The following PLA2G4A variants were observed in gnomAD, a reference collection of about 807,000 sequenced individuals.
PLA2G4A encodes cytosolic phospholipase A2.
Under a neutral mutation model 81.9 loss-of-function variants are expected in PLA2G4A, and 40 were observed. The ratio of observed to expected loss-of-function variants is 0.49; its 90% CI spans 0.38 to 0.64. PLA2G4A has a LOEUF of 0.64. Among genes scored for constraint, PLA2G4A ranks in the 30% least tolerant of loss-of-function variants. The pLI is 0.00. For synonymous variants in PLA2G4A, 302 were observed against 296.9 expected (o/e 1.02, Z -0.18); for missense variants, 715 against 905.1 (o/e 0.79, Z 2.69).
At chr1:186,974,057 T>C (rs1657448867) in intron 15 of PLA2G4A, among the ~76,000 whole-genome samples, 1 of 145,212 alleles carries the variant, frequency 6.9e-6, no homozygotes, top group East Asian at 2.0e-4. Context: ...TGTATATATG[T>C]ATGTGTGTTC....
chr1:186,854,707 T>C (rs537805562), intron 2 of PLA2G4A, among the ~76,000 whole-genome samples: 16 of 151,958 alleles, frequency 1.1e-4, no homozygotes, highest in African/African-American at 3.6e-4. Flanking sequence ...TTCACATGAG[T>C]TGGTGGAAAG....
intron 8 of PLA2G4A, among the ~76,000 whole-genome samples, chr1:186,934,443 C>CATATATATATATATATATAT (rs71571011): frequency 0.026 from 2,533 of 99,146 alleles, 97 homozygotes; most frequent in South Asian, 0.046. Flanking sequence ...TAAATGTGCA[C>CATATATATATATATATATAT]ATATATATAT....
chr1:186,870,432 C>G lies in PLA2G4A; in HGVS notation c.34-3C>G. 6.4e-7 allele frequency: 1 copy of G among 1,561,166 alleles called. No homozygotes were observed. The highest frequency in any genetic ancestry group is 8.8e-7 in the Non-Finnish European group (1 of 1,131,868). On this transcript the variant is annotated splice_region_variant and splice_polypyrimidine_tract_variant and intron_variant, in intron 2 of 17. Transcript: ENST00000367466. ...TTTAAATTTACTGTCATTTTATTTCCAGGTGGAGCACCAGTATTCCCACAA... is the reference window on the plus strand; with the variant it reads ...TTTAAATTTACTGTCATTTTATTTCGAGGTGGAGCACCAGTATTCCCACAA...
chr1:186,880,231 A>G (rs888087435), intron 3 of PLA2G4A, among the ~76,000 whole-genome samples: 1 of 152,004 alleles, frequency 6.6e-6, no homozygotes, highest in Non-Finnish European at 1.5e-5. Context: ...TTGAATGTAG[A>G]TTGAGATGGG....
chr1:186,923,315 A>C (rs942770716), intron 7 of PLA2G4A, among the ~76,000 whole-genome samples: 4 of 152,182 alleles, frequency 2.6e-5, no homozygotes, highest in African/African-American at 9.7e-5. Context: ...TAGTGTGTGT[A>C]TGTGTGTTTC....
intron 7 of PLA2G4A, among the ~76,000 whole-genome samples, chr1:186,932,141 C>G (rs1414705163): frequency 6.6e-6 from 1 of 151,986 alleles, no homozygotes; most frequent in Non-Finnish European, 1.5e-5. Context: ...AAGACAATGT[C>G]CCTGAAAGCA....
At chr1:186,836,897 G>T (rs1193187261) in intron 1 of PLA2G4A, among the ~76,000 whole-genome samples, 1 of 152,180 alleles carries the variant, frequency 6.6e-6, no homozygotes, top group African/African-American at 2.4e-5. Flanking sequence ...CAAAGGCGGA[G>T]AATGGGAAGG....
chr1:186,868,071 C>CTTTTTTTTTTTTTTTTT (rs59978011), intron 2 of PLA2G4A, among the ~76,000 whole-genome samples: 3 of 112,926 alleles, frequency 2.7e-5, no homozygotes, highest in Non-Finnish European at 3.4e-5. Flanking sequence ...GTGTATAATT[C>CTTTTTTTTTTTTTTTTT]TTTTTTTTTT....
intron 3 of PLA2G4A, among the ~76,000 whole-genome samples, chr1:186,891,088 A>G (rs568736376): frequency 5.3e-5 from 8 of 152,182 alleles, no homozygotes; most frequent in African/African-American, 1.7e-4. Flanking sequence ...TTTTTCTAAC[A>G]TTGACAAATA....
At chr1:186,875,285 G>A (rs1009190842) in intron 3 of PLA2G4A, among the ~76,000 whole-genome samples, 2 of 152,074 alleles carry the variant, frequency 1.3e-5, no homozygotes, top group African/African-American at 4.8e-5. Flanking sequence ...TTTGTAAAAT[G>A]AAATAATCAT....
chr1:186,907,469 T>C (rs142941570), intron 6 of PLA2G4A, among the ~76,000 whole-genome samples: 2 of 152,356 alleles, frequency 1.3e-5, no homozygotes, highest in African/African-American at 2.4e-5. Flanking sequence ...TAATGTTCCA[T>C]GAAGCATACT....
chr1:186,895,162 C>A lies in PLA2G4A; in HGVS notation c.378+951C>A, dbSNP rs140773489. The stretch of plus-strand genomic sequence containing the variant: ...TTATACTGTTCAATGTTTCATTTTC[C>A]TCTTGTAAACTAAAATCCTCTAAGT... On this transcript the variant is annotated intron_variant, in intron 5 of 17. Coordinates refer to ENST00000367466, the MANE Select transcript of PLA2G4A (RefSeq NM_024420.3). 2.9e-3 allele frequency among the ~76,000 whole-genome samples: 446 copies of A among 152,226 alleles called. 3 individuals carry two copies. The highest frequency in any genetic ancestry group is 0.01 in the African/African-American group (425 of 41,538).
chr1:186,951,693 T>C (rs960476504), intron 13 of PLA2G4A, among the ~76,000 whole-genome samples: 4 of 152,178 alleles, frequency 2.6e-5, no homozygotes, highest in Admixed American at 6.5e-5. Flanking sequence ...AGCTGGGCTA[T>C]TACTTCCTCA....
Position 186,834,374 on chromosome 1 carries a change from C to A in PLA2G4A, c.-70+5339C>A, listed in dbSNP as rs564442157. Among the ~76,000 whole-genome samples the A allele has an allele frequency of 6.6e-4, 100 of 152,054 alleles. 3 individuals are homozygous for A. Among genetic ancestry groups the A allele is most frequent in the African/African-American group, 2.2e-3 (92 of 41,486 alleles). On this transcript the variant is annotated intron_variant, in intron 1 of 17. Coordinates refer to ENST00000367466, the MANE Select transcript of PLA2G4A (RefSeq NM_024420.3). ...ATGTGAAAAAGAGCTATTGAAAAGT[C>A]AAACGTTTTTTTCTTTTTTTTAATG...
At chr1:186,908,154 C>T (rs1246228961) in intron 6 of PLA2G4A, among the ~76,000 whole-genome samples, 1 of 151,674 alleles carries the variant, frequency 6.6e-6, no homozygotes, top group Admixed American at 6.6e-5. Context: ...TTAAAAATAA[C>T]ATAAAAGCAA....
At chr1:186,897,515 T>TTTATTG (rs1654374939) in intron 5 of PLA2G4A, among the ~76,000 whole-genome samples, 1 of 152,090 alleles carries the variant, frequency 6.6e-6, no homozygotes, top group South Asian at 2.1e-4. Flanking sequence ...TATTTTTATT[T>TTTATTG]ATTTATTTTT....
At chr1:186,885,210 C>T (rs1350625765) in intron 3 of PLA2G4A, among the ~76,000 whole-genome samples, 1 of 152,096 alleles carries the variant, frequency 6.6e-6, no homozygotes, top group Admixed American at 6.6e-5. Flanking sequence ...TGCAGGGCAA[C>T]AGTCTGAGAA....
At chr1:186,871,561 A>G (rs906520928) in intron 3 of PLA2G4A, among the ~76,000 whole-genome samples, 2 of 152,142 alleles carry the variant, frequency 1.3e-5, no homozygotes, top group Admixed American at 6.6e-5. Flanking sequence ...GAGAGCAAGA[A>G]GTCCTAGGCA....
At chr1:186,917,090 T>C (rs1318142207) in intron 7 of PLA2G4A, among the ~76,000 whole-genome samples, 2 of 139,950 alleles carry the variant, frequency 1.4e-5, no homozygotes, top group African/African-American at 3.1e-5. Context: ...TGGGATTCCT[T>C]CTACCTTTAC....
Sources: allele counts gnomAD v4.1 joint callset (sites outside exome capture counted in the v4.1 genomes callset), GRCh38; gene constraint gnomAD v4.1.1; transcripts MANE v1.5; gene names NCBI Gene and HGNC (gene_info 2026-07-23, HGNC 2026-07-21).